The following SLC9A9 variants were observed in gnomAD, a reference collection of about 807,000 sequenced individuals.
The protein encoded by SLC9A9 is solute carrier family 9 member A9, also known as sodium/hydrogen exchanger 9.
A neutral mutation model predicts 77.8 loss-of-function variants in SLC9A9; 62 were observed. The observed-to-expected ratio is 0.80, with a 90% CI of 0.65 to 0.98. The LOEUF (loss-of-function observed/expected upper bound fraction) is 0.98, where lower values mean the gene tolerates loss of function less well. Among genes scored for constraint, SLC9A9 ranks in the 50% least tolerant of loss-of-function variants. The pLI is 0.00. For missense variants in SLC9A9, 775 were observed against 774.9 expected, an observed-to-expected ratio of 1.00 and a Z score of 0.00; for synonymous variants, 320 against 283.5, an observed-to-expected ratio of 1.13 and a Z score of -1.29.
At chr3:143,513,276 A>C (rs919445987) in intron 9 of SLC9A9, among the ~76,000 whole-genome samples, 1 of 152,190 alleles carries the variant, frequency 6.6e-6, no homozygotes, top group African/African-American at 2.4e-5. Flanking sequence ...TTTTGTTGTC[A>C]TTTCAACAAT....
intron 6 of SLC9A9, among the ~76,000 whole-genome samples, chr3:143,633,335 A>G (rs1436831153): frequency 6.6e-6 from 1 of 152,226 alleles, no homozygotes. Flanking sequence ...AAAAGTATAT[A>G]GAGTAAAAAC....
chr3:143,500,051 A>C (rs879510803), intron 9 of SLC9A9, among the ~76,000 whole-genome samples: 4 of 152,156 alleles, frequency 2.6e-5, no homozygotes, highest in African/African-American at 4.8e-5. Flanking sequence ...AAAGTTACTC[A>C]GGTATCACAA....
chr3:143,810,164 G>A (rs1028203361), intron 2 of SLC9A9, among the ~76,000 whole-genome samples: 1 of 152,118 alleles, frequency 6.6e-6, no homozygotes, highest in Admixed American at 6.5e-5. Flanking sequence ...CCAGTATTTG[G>A]CTAGCAATGG....
intron 6 of SLC9A9, among the ~76,000 whole-genome samples, chr3:143,625,382 A>G (rs948581288): frequency 1.3e-5 from 2 of 152,234 alleles, no homozygotes; most frequent in African/African-American, 4.8e-5. Context: ...AGGCTACAGT[A>G]ACCAAAACAA....
intron 4 of SLC9A9, among the ~76,000 whole-genome samples, chr3:143,783,989 C>A (rs1183649711): frequency 6.6e-6 from 1 of 152,210 alleles, no homozygotes; most frequent in African/African-American, 2.4e-5. Flanking sequence ...ACCAGCCAGA[C>A]ACACACAGAT....
rs61206378 is a variant in SLC9A9 at position 143,771,572 on chromosome 3, T to A, written c.533+23429A>T. Among the ~76,000 whole-genome samples, 1,461 of 152,334 alleles carry A rather than the reference T, an allele frequency of 9.6e-3. 23 individuals carry two copies. The highest frequency in any genetic ancestry group is 0.034 in the African/African-American group (1,401 of 41,570). ...CAAGCTCAAGTACAGCTAAAGACGC[T>A]GAATGGGGATTTATTCTCTACATTT... On this transcript the variant is annotated intron_variant, in intron 4 of 15. Coordinates refer to ENST00000316549, the MANE Select transcript of SLC9A9 (RefSeq NM_173653.4).
At chr3:143,536,102 A>T (rs2036585384) in intron 9 of SLC9A9, among the ~76,000 whole-genome samples, 1 of 152,236 alleles carries the variant, frequency 6.6e-6, no homozygotes, top group African/African-American at 2.4e-5. Context: ...TAGATTCTAT[A>T]CCTAGTAACT....
At chr3:143,403,225 CTT>C (rs1175064211) in intron 12 of SLC9A9, among the ~76,000 whole-genome samples, 5 of 152,066 alleles carry the variant, frequency 3.3e-5, no homozygotes, top group Admixed American at 2.6e-4. Flanking sequence ...TTCTGTTACT[CTT>C]TATTTCTTCC....
At chr3:143,597,988 G>T (rs1314629164) in intron 6 of SLC9A9, among the ~76,000 whole-genome samples, 4 of 152,166 alleles carry the variant, frequency 2.6e-5, no homozygotes, top group Non-Finnish European at 5.9e-5. Flanking sequence ...GCAGTATCGA[G>T]AGCTGTTGTC....
At chr3:143,716,389 A>ATTT (rs11450258) in intron 4 of SLC9A9, among the ~76,000 whole-genome samples, 1 of 149,308 alleles carries the variant, frequency 6.7e-6, no homozygotes, top group Non-Finnish European at 1.5e-5. Flanking sequence ...TTATGTCAGT[A>ATTT]TTTTTTTTTT....
intron 14 of SLC9A9, among the ~76,000 whole-genome samples, chr3:143,343,068 T>C (rs919483514): frequency 9.2e-5 from 14 of 152,242 alleles, no homozygotes; most frequent in Non-Finnish European, 1.8e-4. Flanking sequence ...TCCTATTTTC[T>C]AGTGTTTGTT....
chr3:143,553,721 T>G (rs966304446), intron 8 of SLC9A9, among the ~76,000 whole-genome samples: 2 of 152,210 alleles, frequency 1.3e-5, no homozygotes, highest in African/African-American at 4.8e-5. Context: ...ACATTATGCT[T>G]CAAAATTTTA....
At chr3:143,799,142 C>A (rs904728973) in intron 2 of SLC9A9, among the ~76,000 whole-genome samples, 2 of 152,098 alleles carry the variant, frequency 1.3e-5, no homozygotes, top group African/African-American at 4.8e-5. Flanking sequence ...TTTATCCGAC[C>A]TCTCCCAAAT....
chr3:143,443,717 A>G (rs2034792003), intron 12 of SLC9A9, among the ~76,000 whole-genome samples: 1 of 152,246 alleles, frequency 6.6e-6, no homozygotes, highest in South Asian at 2.1e-4. Context: ...ATTCACAATA[A>G]GTAGAACTTA....
At chr3:143,732,039 C>T (rs1438039235) in intron 4 of SLC9A9, among the ~76,000 whole-genome samples, 2 of 152,202 alleles carry the variant, frequency 1.3e-5, no homozygotes. Flanking sequence ...AGTTTATTTA[C>T]ATGGCTTCTG....
At chr3:143,785,876 A>G (rs1287484129) in intron 4 of SLC9A9, among the ~76,000 whole-genome samples, 1 of 52,852 alleles carries the variant, frequency 1.9e-5, no homozygotes. Context: ...TTTTTTTTTG[A>G]GACGGAGTTT....
chr3:143,610,314 T>A (rs1165645238), intron 6 of SLC9A9, among the ~76,000 whole-genome samples: 2 of 152,116 alleles, frequency 1.3e-5, no homozygotes, highest in Non-Finnish European at 2.9e-5. Context: ...ACCCAGTTAA[T>A]TTTTTAATTT....
At chr3:143,785,651 CCT>C (rs1198620935) in intron 4 of SLC9A9, among the ~76,000 whole-genome samples, 1 of 151,962 alleles carries the variant, frequency 6.6e-6, no homozygotes, top group Admixed American at 6.6e-5. Context: ...GATATACTCC[CCT>C]GATTTTTTTT....
intron 12 of SLC9A9, among the ~76,000 whole-genome samples, chr3:143,392,206 G>A (rs7642639): frequency 0.06 from 9,156 of 152,180 alleles, 415 homozygotes; most frequent in African/African-American, 0.13. Context: ...AGAGAGAAAG[G>A]TCGGGTTACC....
Sources: allele counts gnomAD v4.1 joint callset (sites outside exome capture counted in the v4.1 genomes callset), GRCh38; gene constraint gnomAD v4.1.1; transcripts MANE v1.5; gene names NCBI Gene and HGNC (gene_info 2026-07-23, HGNC 2026-07-21).